The following ALDH3B1 variants were observed in gnomAD, a reference collection of about 807,000 sequenced individuals.
ALDH3B1 encodes aldehyde dehydrogenase 3 family member B1, also known as aldehyde dehydrogenase family 3 member B1.
ALDH3B1 carries 37 observed loss-of-function variants against 46.2 expected under a neutral mutation model. That is an observed-to-expected ratio of 0.80 (90% CI 0.62 to 1.05). The LOEUF (loss-of-function observed/expected upper bound fraction) is 1.05, where lower values mean the gene tolerates loss of function less well. Among genes scored for constraint, ALDH3B1 ranks in the 50% least tolerant of loss-of-function variants. ALDH3B1 has a pLI of 0.00. For synonymous variants in ALDH3B1, 283 were observed against 281.0 expected, an observed-to-expected ratio of 1.01 and a Z score of -0.07; for missense variants, 603 against 665.5, an observed-to-expected ratio of 0.91 and a Z score of 1.03.
intron 7 of ALDH3B1, 70 bp downstream of exon 7, chr11:68,021,941 G>A: frequency 1.3e-6 from 2 of 1,523,172 alleles, no homozygotes; most frequent in South Asian, 1.3e-5. Context: ...CCCAAGGCTG[G>A]GCCACAACTC....
At chr11:68,024,398 G>T (rs867331198) in intron 8 of ALDH3B1, 2 of 152,214 alleles carry the variant, frequency 1.3e-5, no homozygotes, top group South Asian at 4.1e-4. Flanking sequence ...ACCCTCACCA[G>T]GTGGAGGTAA....
chr11:68,026,202 C>G (rs1857619332), intron 9 of ALDH3B1, 94 bp downstream of exon 9: 61 of 1,130,434 alleles, frequency 5.4e-5, no homozygotes, highest in Non-Finnish European at 7.3e-5. Context: ...CCAGCCCCAC[C>G]TCAATGTAGA....
rs1420836008 is a variant in ALDH3B1, at chr11:68,018,517, C to T, written c.163-10C>T. The T allele has an allele frequency of 6.4e-7, 1 of 1,559,930 alleles. No individual in the cohort carries two copies. Among genetic ancestry groups the T allele is most frequent in the African/African-American group, 1.4e-5 (1 of 73,614 alleles). On this transcript the variant is annotated splice_polypyrimidine_tract_variant and intron_variant, in intron 2 of 9. Coordinates refer to ENST00000342456, the MANE Select transcript of ALDH3B1 (RefSeq NM_000694.4). ...TCCTGGCCCACCCTGACCCCACCCACTTCCTGCAGTCAGCCTTCGAGTCGG... is the reference window on the plus strand; with the variant it reads ...TCCTGGCCCACCCTGACCCCACCCATTTCCTGCAGTCAGCCTTCGAGTCGG...
rs1379948480 is a variant in ALDH3B1 at position 68,027,802 on chromosome 11, C to T, written c.1270C>T (p.His424Tyr). Reference sequence around the variant, plus strand: ...CAAGTTCTCCTTCGACACCTTCTCCCACCATCGCGCCTGCCTCCTGCGCAG... The same window carrying T: ...CAAGTTCTCCTTCGACACCTTCTCCTACCATCGCGCCTGCCTCCTGCGCAG... ...HGKFSFDTFS[H>Y]HRACLLRSPG... The change falls in exon 10 of 10, where the codon CAC becomes TAC. Residue 424 changes from histidine (H) to tyrosine (Y), a missense_variant. Coordinates refer to ENST00000342456, the MANE Select transcript of ALDH3B1 (RefSeq NM_000694.4). The T allele has an allele frequency of 6.4e-7, 1 of 1,559,418 alleles. No individual in the cohort carries two copies. The highest frequency in any genetic ancestry group is 2.0e-5 in the Admixed American group (1 of 51,174).
intron 1 of ALDH3B1, among the ~76,000 whole-genome samples, chr11:68,012,162 G>A (rs1447481640): frequency 3.3e-5 from 5 of 152,296 alleles, no homozygotes; most frequent in South Asian, 2.1e-4. Context: ...GGGTGTGAAC[G>A]AGCAGGGAGT....
chr11:68,022,737 G>C lies in ALDH3B1; in HGVS notation c.1092G>C (p.Leu364=), dbSNP rs781672662. Residue 364 remains leucine, a synonymous_variant, in exon 8 of 10, where the codon CTG becomes CTC. Coordinates refer to ENST00000342456, the MANE Select transcript of ALDH3B1 (RefSeq NM_000694.4). The part of the protein sequence containing the change: ...FINRREKPLA[L]YAFSNSSQVV... The stretch of plus-strand genomic sequence containing the variant: ...ACCGGCGGGAGAAGCCCCTGGCCCT[G>C]TACGCCTTCTCCAACAGCAGCCAGG... The C allele has an allele frequency of 3.7e-6, 6 of 1,614,166 alleles. No individual in the cohort carries two copies. In the South Asian group the frequency reaches 6.6e-5, roughly 18 times the overall value.
At position 68,022,778 on chromosome 11, in the gene ALDH3B1, G is replaced by T. The variant is rs532391501; in HGVS notation, c.1116+17G>T. 6.2e-7 allele frequency: 1 copy of T among 1,613,226 alleles called. No individual in the cohort carries two copies. The highest frequency in any genetic ancestry group is 1.3e-5 in the African/African-American group (1 of 75,048). On this transcript the variant is annotated intron_variant, in intron 8 of 9. Transcript: ENST00000342456. ...AGCAGCCAGGTGGGGGTGCGGCCGG[G>T]CTGGGCAGGGTCAGGAGCCCGCAGT...
rs1221453230 is a variant in ALDH3B1 at position 68,028,334 on chromosome 11, CCTCT to C, written c.*398_*401del. 37 of 375,188 alleles carry C rather than the reference CCTCT, an allele frequency of 9.9e-5. No homozygotes were observed. Among genetic ancestry groups the C allele is most frequent in the Non-Finnish European group, 1.9e-4 (36 of 192,232 alleles). The allele number at this position is 375,188 out of a possible 1,614,324, so 23.2% of individuals were successfully genotyped here. ...TCACTGCATCCAAGGCCATTCCTGC[CCTCT>C]CTGAGTCTCAGTTTTTCCATTTGTT... On this transcript the variant is annotated 3_prime_UTR_variant, in exon 10 of 10. Coordinates refer to ENST00000342456, the MANE Select transcript of ALDH3B1 (RefSeq NM_000694.4).
At position 68,026,056 on chromosome 11, in the gene ALDH3B1, G is replaced by A; in HGVS notation, c.1164G>A (p.Gly388=). 1 of 1,609,580 alleles carries A rather than the reference G, an allele frequency of 6.2e-7. No homozygotes were observed. The highest frequency in any genetic ancestry group is 8.5e-7 in the Non-Finnish European group (1 of 1,177,976). The stretch of plus-strand genomic sequence containing the variant: ...AGACCAGCAGCGGGGGCTTCTGTGG[G>A]AACGACGGCTTCATGCACATGACCC... ...LTQTSSGGFC[G]NDGFMHMTLA... Residue 388 remains glycine, a synonymous_variant, in exon 9 of 10, where the codon GGG becomes GGA. Transcript: ENST00000342456.
At chr11:68,011,397 C>T (rs191271985) in intron 1 of ALDH3B1, among the ~76,000 whole-genome samples, 7 of 152,326 alleles carry the variant, frequency 4.6e-5, no homozygotes, top group Admixed American at 3.9e-4. Flanking sequence ...TCCTGCTTCC[C>T]GGAGAAACTG....
In ALDH3B1 at chr11:68,027,748, G is replaced by A; in HGVS notation, c.1217-1G>A. 1 of 1,555,220 alleles carries A rather than the reference G, an allele frequency of 6.4e-7. No individual in the cohort carries two copies. The highest frequency in any genetic ancestry group is 8.7e-7 in the Non-Finnish European group (1 of 1,148,180). On this transcript the variant is annotated splice_acceptor_variant, in intron 9 of 9. Transcript: ENST00000342456. LOFTEE classifies it high-confidence loss of function. Reference sequence around the variant, plus strand: ...CACCTGTGTTCTGTGCCACTGTACAGGTGCCAGTGGGATGGGCCGGTACCA... The same window carrying A: ...CACCTGTGTTCTGTGCCACTGTACAAGTGCCAGTGGGATGGGCCGGTACCA...
chr11:68,021,017 G>A (rs536873266), intron 6 of ALDH3B1, among the ~76,000 whole-genome samples: 1 of 152,342 alleles, frequency 6.6e-6, no homozygotes, highest in South Asian at 2.1e-4. Context: ...GAAAAAAAGG[G>A]CTGGGCAGGT....
intron 4 of ALDH3B1, 134 bp from the exon 5 acceptor site, chr11:68,019,036 T>C (rs1857423502): frequency 2.8e-6 from 4 of 1,448,794 alleles, no homozygotes; most frequent in Non-Finnish European, 3.7e-6. Context: ...TGTGTGGCCC[T>C]GGGCCCGTCA....
In ALDH3B1 at chr11:68,022,627, G is replaced by A. The variant is rs1463430071; in HGVS notation, c.982G>A (p.Glu328Lys). 8.1e-6 allele frequency: 13 copies of A among 1,613,906 alleles called. No individual in the cohort carries two copies. Among genetic ancestry groups the A allele is most frequent in the South Asian group, 1.1e-5 (1 of 91,084 alleles). The change falls in exon 8 of 10, where the codon GAG becomes AAG. Residue 328 changes from glutamate (E) to lysine (K), a missense_variant. Glu to Lys is a moderately conservative substitution (Grantham distance 56, BLOSUM62 1). Coordinates refer to ENST00000342456, the MANE Select transcript of ALDH3B1 (RefSeq NM_000694.4). ...GGTGCTGGTGGATGTGCAGGAGATG[G>A]AGCCTGTGATGCAGGAGGAGATCTT... The part of the protein sequence containing the change: ...PTVLVDVQEM[E>K]PVMQEEIFGP...
upstream of ALDH3B1, among the ~76,000 whole-genome samples, chr11:68,009,858 T>C (rs1857194293): frequency 6.6e-6 from 1 of 151,734 alleles, no homozygotes; most frequent in African/African-American, 2.4e-5. Context: ...GCAGCAGGAG[T>C]AGTAGTGGTC....
intron 9 of ALDH3B1, among the ~76,000 whole-genome samples, chr11:68,027,488 T>A (rs962149459): frequency 1.3e-5 from 2 of 152,174 alleles, no homozygotes; most frequent in Non-Finnish European, 2.9e-5. Context: ...GGCCAGAGTT[T>A]AACCCCCGGC....
chr11:68,011,241 G>A (rs1857224355), intron 1 of ALDH3B1, among the ~76,000 whole-genome samples: 1 of 152,228 alleles, frequency 6.6e-6, no homozygotes, highest in Non-Finnish European at 1.5e-5. Context: ...GGGTTCATAA[G>A]GCAGAAAGGA....
chr11:68,009,174 C>G (rs565006594), upstream of ALDH3B1, among the ~76,000 whole-genome samples: 9 of 152,248 alleles, frequency 5.9e-5, no homozygotes, highest in Non-Finnish European at 1.2e-4. Flanking sequence ...ATCCCACCCC[C>G]TCTCTGCCCC....
chr11:68,021,304 C>A (rs1857486301), intron 6 of ALDH3B1, among the ~76,000 whole-genome samples, 181 bp from the exon 7 acceptor site: 1 of 152,126 alleles, frequency 6.6e-6, no homozygotes, highest in Middle Eastern at 3.2e-3. Context: ...AGGGGCTGGT[C>A]CTGATGAAGG....
Sources: allele counts gnomAD v4.1 joint callset (sites outside exome capture counted in the v4.1 genomes callset), GRCh38; gene constraint gnomAD v4.1.1; transcripts MANE v1.5; gene names NCBI Gene and HGNC (gene_info 2026-07-23, HGNC 2026-07-21).